Variants in ZNF83 observed in about 807,000 individuals in gnomAD.
ZNF83 encodes zinc finger protein 816B.
For missense variants in ZNF83, 552 were observed against 629.9 expected, an observed-to-expected ratio of 0.88 and a Z score of 1.32; for synonymous variants, 209 against 213.0, an observed-to-expected ratio of 0.98 and a Z score of 0.17.
At chr19:52,641,691 C>CT (rs906178817), upstream of ZNF83, among the ~76,000 whole-genome samples, 2 of 151,932 alleles carry the variant, frequency 1.3e-5, no homozygotes, top group Non-Finnish European at 1.5e-5. Context: ...TTTTCCTATT[C>CT]TTTTTTTTCT....
At chr19:52,633,686 G>A (rs1345609081) in intron 2 of ZNF83, among the ~76,000 whole-genome samples, 1 of 152,192 alleles carries the variant, frequency 6.6e-6, no homozygotes, top group African/African-American at 2.4e-5. Context: ...CAAGGCAGGC[G>A]GATCACCTGA....
At chr19:52,670,447 G>A (rs1249725234) in intron 1 of ZNF83, among the ~76,000 whole-genome samples, 13 of 152,086 alleles carry the variant, frequency 8.5e-5, no homozygotes, top group Non-Finnish European at 8.8e-5. Flanking sequence ...TGCTCCCTCT[G>A]TGAGGGCACA....
intron 1 of ZNF83, among the ~76,000 whole-genome samples, chr19:52,685,694 C>T (rs1354001392): frequency 6.6e-6 from 1 of 151,826 alleles, no homozygotes; most frequent in African/African-American, 2.4e-5. Flanking sequence ...GTCAGGAGCT[C>T]GAGACCAGCC....
chr19:52,664,378 C>T (rs1160223486), intron 1 of ZNF83, among the ~76,000 whole-genome samples: 2 of 151,902 alleles, frequency 1.3e-5, no homozygotes, highest in African/African-American at 4.8e-5. Context: ...TAGCTGTGGT[C>T]CCAGCTACTC....
chr19:52,655,552 T>A lies in ZNF83; in HGVS notation c.-74+9A>T, dbSNP rs2061493862. ...AGATTCCTCACATCAGGAGGGACAT[T>A]TTCCTCACCCACAGACTCCAGGTTC... is the stretch of plus-strand genomic sequence containing the variant. On this transcript the variant is annotated intron_variant, in intron 3 of 5. Transcript: ENST00000594682. 6.1e-6 allele frequency: 9 copies of A among 1,486,130 alleles called. No individual in the cohort carries two copies. The African/African-American group carries it at 1.1e-4, about 18-fold the overall frequency. 92.1% of individuals were successfully genotyped at this position (1,486,130 alleles called of 1,614,324 possible). A position where few individuals can be genotyped will look rare whatever the true frequency, so the allele number is the denominator to read the frequency against.
intron 1 of ZNF83, among the ~76,000 whole-genome samples, chr19:52,664,498 AT>A (rs2061621661): frequency 6.6e-6 from 1 of 152,114 alleles, no homozygotes; most frequent in African/African-American, 2.4e-5. Context: ...CCCATCTCCA[AT>A]TAAAAAAAGA....
chr19:52,654,583 G>C (rs2061482795), intron 3 of ZNF83, among the ~76,000 whole-genome samples: 1 of 152,146 alleles, frequency 6.6e-6, no homozygotes, highest in Non-Finnish European at 1.5e-5. Context: ...CAGGCATGGT[G>C]GTGGATGCCT....
At chr19:52,627,731 A>G (rs1289882508) in intron 2 of ZNF83, among the ~76,000 whole-genome samples, 2 of 152,210 alleles carry the variant, frequency 1.3e-5, no homozygotes, top group African/African-American at 2.4e-5. Context: ...CCCCGATGAC[A>G]CGAGTTTACC....
upstream of ZNF83, chr19:52,638,410 G>T (rs1441345330): frequency 6.6e-6 from 1 of 151,906 alleles, no homozygotes; most frequent in Non-Finnish European, 1.5e-5. Flanking sequence ...CCCGCGAGGT[G>T]GGCGGGGCCT....
intron 2 of ZNF83, among the ~76,000 whole-genome samples, chr19:52,659,158 G>A (rs928592357): frequency 2.0e-5 from 3 of 151,806 alleles, no homozygotes; most frequent in African/African-American, 7.3e-5. Flanking sequence ...GGAAAGTCAG[G>A]GATCTGCAGA....
intron 2 of ZNF83, among the ~76,000 whole-genome samples, chr19:52,629,540 A>T (rs964060553): frequency 4.6e-5 from 7 of 151,802 alleles, no homozygotes; most frequent in African/African-American, 1.7e-4. Context: ...ACCTGCTCAC[A>T]CCCGGTCCGG....
intron 3 of ZNF83, chr19:52,653,172 A>G: frequency 1.3e-6 from 2 of 1,496,720 alleles, no homozygotes; most frequent in Non-Finnish European, 1.9e-6. Context: ...TATGAAGTCT[A>G]CGATGGCCCA....
chr19:52,673,853 A>G (rs1241700886), intron 1 of ZNF83, among the ~76,000 whole-genome samples: 1 of 151,574 alleles, frequency 6.6e-6, no homozygotes, highest in Non-Finnish European at 1.5e-5. Flanking sequence ...TATCTCTACT[A>G]AAAATACAAA....
intron 2 of ZNF83, chr19:52,618,353 G>GGGTTCATGCCAT (rs2060395087): frequency 6.6e-6 from 1 of 152,628 alleles, no homozygotes; most frequent in Non-Finnish European, 1.5e-5. Context: ...TCCGTCCCCT[G>GGGTTCATGCCAT]GGTTCATGCC....
chr19:52,676,280 G>C (rs903917320), intron 1 of ZNF83, among the ~76,000 whole-genome samples: 1 of 152,188 alleles, frequency 6.6e-6, no homozygotes, highest in African/African-American at 2.4e-5. Context: ...CGTTCACTCA[G>C]TGCTCAATGG....
intron 1 of ZNF83, among the ~76,000 whole-genome samples, chr19:52,681,248 A>G (rs1012899751): frequency 1.5e-5 from 2 of 134,002 alleles, no homozygotes; most frequent in South Asian, 2.5e-4. Context: ...ACACCACTGC[A>G]CTCCAGCCTG....
intron 1 of ZNF83, among the ~76,000 whole-genome samples, chr19:52,662,629 G>A (rs553760624): frequency 3.9e-5 from 6 of 152,066 alleles, no homozygotes; most frequent in South Asian, 2.1e-4. Flanking sequence ...TTACCATCTC[G>A]TATAGAAAAA....
intron 2 of ZNF83, among the ~76,000 whole-genome samples, chr19:52,619,252 C>T (rs1335270690): frequency 6.6e-6 from 1 of 152,162 alleles, no homozygotes; most frequent in African/African-American, 2.4e-5. Flanking sequence ...TCATAATACC[C>T]TCTTGTTATA....
At chr19:52,680,904 G>A (rs1021185409) in intron 1 of ZNF83, among the ~76,000 whole-genome samples, 7 of 151,674 alleles carry the variant, frequency 4.6e-5, no homozygotes, top group Non-Finnish European at 7.4e-5. Flanking sequence ...GAGCCACCGC[G>A]CCCGGCCTCC....
Sources: allele counts gnomAD v4.1 joint callset (sites outside exome capture counted in the v4.1 genomes callset), GRCh38; gene constraint gnomAD v4.1.1; transcripts MANE v1.5; gene names NCBI Gene and HGNC (gene_info 2026-07-23, HGNC 2026-07-21).